Variants in ATP6V1H observed in about 807,000 individuals in gnomAD.
The protein encoded by ATP6V1H is V-type proton ATPase subunit H.
A neutral mutation model predicts 71.7 loss-of-function variants in ATP6V1H; 39 were observed. The ratio of observed to expected loss-of-function variants is 0.54; its 90% CI spans 0.42 to 0.71. The LOEUF is 0.71. ATP6V1H is among the 30% of genes least tolerant of loss of function. The pLI is 0.00. For missense variants in ATP6V1H, 509 were observed against 594.9 expected (o/e 0.86, Z 1.50); for synonymous variants, 192 against 199.3 (o/e 0.96, Z 0.31).
At chr8:53,811,614 C>T (rs963666348) in intron 6 of ATP6V1H, among the ~76,000 whole-genome samples, 5 of 152,126 alleles carry the variant, frequency 3.3e-5, no homozygotes, top group Non-Finnish European at 5.9e-5. Context: ...AAAATAGGTG[C>T]CTGATGTCAG....
intron 11 of ATP6V1H, among the ~76,000 whole-genome samples, chr8:53,761,766 G>A (rs898350726): frequency 1.3e-5 from 2 of 152,186 alleles, no homozygotes; most frequent in Non-Finnish European, 2.9e-5. Context: ...ACAGAAAATG[G>A]AGTCTAAACA....
chr8:53,836,099 G>C (rs978468815), intron 2 of ATP6V1H, among the ~76,000 whole-genome samples: 30 of 152,170 alleles, frequency 2.0e-4, no homozygotes, highest in African/African-American at 7.0e-4. Context: ...AGGAAAAAAT[G>C]CACTCTGCAC....
At chr8:53,757,828 C>T (rs150486218) in intron 11 of ATP6V1H, among the ~76,000 whole-genome samples, 853 of 152,286 alleles carry the variant, frequency 5.6e-3, no homozygotes, top group South Asian at 0.015. Context: ...CACCACCTGC[C>T]ATTGTAATAT....
chr8:53,765,399 CAAAAA>C, intron 11 of ATP6V1H, among the ~76,000 whole-genome samples: 1 of 39,750 alleles, frequency 2.5e-5, no homozygotes, highest in South Asian at 8.6e-4. Flanking sequence ...GACTCTGTCT[CAAAAA>C]AAAAAAAAAA....
At chr8:53,743,932 A>G (rs528187109) in intron 12 of ATP6V1H, among the ~76,000 whole-genome samples, 3 of 152,316 alleles carry the variant, frequency 2.0e-5, no homozygotes, top group African/African-American at 7.2e-5. Flanking sequence ...CTAATCCAGA[A>G]ACATATGATC....
chr8:53,746,498 C>T (rs1042600151), intron 12 of ATP6V1H, among the ~76,000 whole-genome samples: 2 of 152,226 alleles, frequency 1.3e-5, no homozygotes, highest in African/African-American at 4.8e-5. Flanking sequence ...CTCCTGACCT[C>T]AGGTAATCCA....
At chr8:53,748,126 C>A (rs1039596925) in intron 12 of ATP6V1H, among the ~76,000 whole-genome samples, 1 of 151,650 alleles carries the variant, frequency 6.6e-6, no homozygotes, top group Non-Finnish European at 1.5e-5. Context: ...CCATTGCACT[C>A]CAGCCTGGGC....
chr8:53,728,216 T>G (rs11990316), intron 13 of ATP6V1H, among the ~76,000 whole-genome samples: 1 of 152,184 alleles, frequency 6.6e-6, no homozygotes, highest in Non-Finnish European at 1.5e-5. Context: ...AAGGTTCCCC[T>G]ACCTCAGCAG....
chr8:53,815,615 T>A (rs1563479464), intron 5 of ATP6V1H, among the ~76,000 whole-genome samples: 1 of 152,220 alleles, frequency 6.6e-6, no homozygotes, highest in Non-Finnish European at 1.5e-5. Flanking sequence ...ACATAGGGAC[T>A]AATGGGGCGC....
At chr8:53,772,909 A>AC (rs1467929949) in intron 9 of ATP6V1H, among the ~76,000 whole-genome samples, 1 of 150,524 alleles carries the variant, frequency 6.6e-6, no homozygotes, top group Admixed American at 6.6e-5. Flanking sequence ...AATGCAAAAA[A>AC]AAAAAAAAAA....
chr8:53,766,941 C>G (rs1171930516), intron 11 of ATP6V1H, among the ~76,000 whole-genome samples: 1 of 152,186 alleles, frequency 6.6e-6, no homozygotes, highest in Non-Finnish European at 1.5e-5. Flanking sequence ...TTCTATTACC[C>G]TGTTAAGAAC....
chr8:53,755,717 TA>T (rs1808012987), intron 12 of ATP6V1H, among the ~76,000 whole-genome samples: 2 of 7,250 alleles, frequency 2.8e-4, no homozygotes, highest in South Asian at 3.7e-3. Flanking sequence ...TATATATATA[TA>T]TATATATATA....
intron 9 of ATP6V1H, among the ~76,000 whole-genome samples, chr8:53,780,497 G>C (rs1809069459): frequency 2.0e-5 from 3 of 151,916 alleles, no homozygotes; most frequent in Admixed American, 1.3e-4. Flanking sequence ...TAATGTGGCA[G>C]CAACACATTT....
In ATP6V1H at chr8:53,715,928, T is replaced by A; in HGVS notation, c.*36A>T. ...TAAACACAGTGCTCCCACTACTGGT[T>A]CTGCATTGAGGCGGAGGGGAAGGCC... On this transcript the variant is annotated 3_prime_UTR_variant, in exon 14 of 14. Transcript: ENST00000359530. The A allele has an allele frequency of 3.1e-6, 5 of 1,595,850 alleles. No homozygotes were observed. Among genetic ancestry groups the A allele is most frequent in the Non-Finnish European group, 4.3e-6 (5 of 1,169,096 alleles).
intron 7 of ATP6V1H, among the ~76,000 whole-genome samples, chr8:53,806,328 TTATCAA>T (rs1308144370): frequency 6.6e-6 from 1 of 152,094 alleles, no homozygotes; most frequent in African/African-American, 2.4e-5. Flanking sequence ...TATACTATTA[TTATCAA>T]TATTCAGGAA....
In ATP6V1H at chr8:53,715,830, GA is replaced by G. The variant is rs1806404956; in HGVS notation, c.*133del. The G allele has an allele frequency of 6.3e-6, 4 of 633,542 alleles. No individual in the cohort carries two copies. Among genetic ancestry groups the G allele is most frequent in the Non-Finnish European group, 1.0e-5 (4 of 390,728 alleles). The allele number at this position is 633,542 out of a possible 1,614,324, so 39.2% of individuals were successfully genotyped here. ...CATGTTATTTTGTTGTTGTTGTTTG[GA>G]AATTAGCATTGGGAAAAGCTATATA... is the stretch of plus-strand genomic sequence containing the variant. On this transcript the variant is annotated 3_prime_UTR_variant, in exon 14 of 14. Transcript: ENST00000359530.
chr8:53,839,194 G>A (rs547940934), intron 2 of ATP6V1H, among the ~76,000 whole-genome samples: 11 of 152,290 alleles, frequency 7.2e-5, no homozygotes, highest in African/African-American at 9.6e-5. Context: ...AAATGCCAAC[G>A]TTAGGCGGAG....
At chr8:53,799,298 GA>G (rs1387551613) in intron 8 of ATP6V1H, among the ~76,000 whole-genome samples, 1 of 151,896 alleles carries the variant, frequency 6.6e-6, no homozygotes, top group Admixed American at 6.6e-5. Context: ...ATTATACTAA[GA>G]AATCAAAGAC....
intron 12 of ATP6V1H, among the ~76,000 whole-genome samples, chr8:53,750,661 T>G (rs1807760873): frequency 6.6e-6 from 1 of 151,994 alleles, no homozygotes. Flanking sequence ...TACTGTTTGA[T>G]GGAGATAGAG....
Sources: gnomAD v4.1 joint callset for allele counts (sites outside exome capture counted in the v4.1 genomes callset) on GRCh38, gnomAD v4.1.1 for gene constraint, MANE v1.5 for transcripts, NCBI Gene and HGNC (gene_info 2026-07-23, HGNC 2026-07-21) for gene names.